Variants in STXBP6 observed in about 807,000 individuals in gnomAD.
STXBP6 encodes the protein syntaxin binding protein 6, also known as syntaxin-binding protein 6.
In STXBP6, 21 loss-of-function variants were observed where a neutral mutation model predicts 26.9. The ratio of observed to expected loss-of-function variants is 0.78; its 90% confidence interval spans 0.55 to 1.12. The LOEUF (loss-of-function observed/expected upper bound fraction) is 1.12, where lower values mean the gene tolerates loss of function less well. Ranked by LOEUF, STXBP6 falls within the 50% of genes most tolerant of loss-of-function variation. The probability of loss-of-function intolerance (pLI) is 0.00; values close to 1 mark genes in which losing one functional copy is unlikely to be tolerated. For synonymous variants in STXBP6, 97 were observed against 92.6 expected (o/e 1.05, Z -0.27); for missense variants, 232 against 257.9 (o/e 0.90, Z 0.69).
chr14:24,960,104 T>C (rs1204317150), intron 2 of STXBP6, among the ~76,000 whole-genome samples: 1 of 152,220 alleles, frequency 6.6e-6, no homozygotes, highest in Non-Finnish European at 1.5e-5. Flanking sequence ...GCTTCTTGCA[T>C]ATGTTAGGAC....
At position 24,911,563 on chromosome 14, in the gene STXBP6, G is replaced by A. The variant is rs2071576609; in HGVS notation, c.155-54406C>T. Among the ~76,000 whole-genome samples the A allele has an allele frequency of 3.3e-5, 5 of 152,286 alleles. No individual in the cohort carries two copies. In the South Asian group the frequency reaches 8.3e-4, roughly 25 times the overall value. On this transcript the variant is annotated intron_variant, in intron 2 of 5. Coordinates refer to ENST00000323944, the MANE Select transcript of STXBP6 (RefSeq NM_001394410.1). ...CTATAGATACCAGCTTCTCAAAGTT[G>A]GAAAGCACCTTGGCAGTCATCCAGA...
At chr14:24,836,529 G>A (rs2068620005) in intron 4 of STXBP6, among the ~76,000 whole-genome samples, 1 of 142,164 alleles carries the variant, frequency 7.0e-6, no homozygotes, top group African/African-American at 2.7e-5. Context: ...AACCCAGGGG[G>A]CAGAGGTTTC....
rs2067778103 is a variant in STXBP6 at position 24,810,079 on chromosome 14, A to G, written c.*2630T>C. 1 of 152,242 alleles carries G rather than the reference A, an allele frequency of 6.6e-6. No individual in the cohort carries two copies. The highest frequency in any genetic ancestry group is 1.5e-5 in the Non-Finnish European group (1 of 68,040). 9.4% of individuals were successfully genotyped at this position (152,242 alleles called of 1,614,324 possible). On this transcript the variant is annotated 3_prime_UTR_variant, in exon 6 of 6. Transcript: ENST00000323944. ...GCATACTTTCTGTACACAGGTATCT[A>G]ATAATACTAGTGAGAAATACTACAG...
At chr14:24,958,540 A>G (rs2073417098) in intron 2 of STXBP6, among the ~76,000 whole-genome samples, 1 of 152,238 alleles carries the variant, frequency 6.6e-6, no homozygotes, top group African/African-American at 2.4e-5. Flanking sequence ...AAATATTGGC[A>G]ACAAGATTCC....
chr14:25,042,602 T>TTTC (rs2075661352), intron 1 of STXBP6, among the ~76,000 whole-genome samples: 2 of 152,214 alleles, frequency 1.3e-5, no homozygotes, highest in Non-Finnish European at 2.9e-5. Context: ...ACGTTAATGG[T>TTTC]AGAGCTATGT....
chr14:25,032,769 C>G (rs2075482549), intron 1 of STXBP6, among the ~76,000 whole-genome samples: 1 of 152,188 alleles, frequency 6.6e-6, no homozygotes, highest in Admixed American at 6.5e-5. Flanking sequence ...GTTAGTGTTA[C>G]TAGGCTCATC....
chr14:25,000,545 G>A (rs933505723), intron 1 of STXBP6, among the ~76,000 whole-genome samples: 2 of 151,534 alleles, frequency 1.3e-5, no homozygotes, highest in Middle Eastern at 3.4e-3. Context: ...GCTAGCCATA[G>A]AAACTGAAAT....
At chr14:24,870,850 T>C (rs2069903856) in intron 2 of STXBP6, among the ~76,000 whole-genome samples, 1 of 152,118 alleles carries the variant, frequency 6.6e-6, no homozygotes, top group Non-Finnish European at 1.5e-5. Flanking sequence ...AGTAGAATGG[T>C]TTAAAAATGC....
At chr14:24,932,193 G>A (rs2072439233) in intron 2 of STXBP6, among the ~76,000 whole-genome samples, 1 of 152,188 alleles carries the variant, frequency 6.6e-6, no homozygotes, top group Non-Finnish European at 1.5e-5. Flanking sequence ...CAGATCACGA[G>A]GTCAGGAATT....
chr14:24,909,561 G>T (rs1190733103), intron 2 of STXBP6, among the ~76,000 whole-genome samples: 1 of 151,924 alleles, frequency 6.6e-6, no homozygotes, highest in African/African-American at 2.4e-5. Flanking sequence ...CAGGTGGATT[G>T]CTTGAGTCCA....
rs550901819 is a variant in STXBP6, at chr14:24,965,041, GA to G, written c.154+9623del. Among the ~76,000 whole-genome samples, 35 of 152,258 alleles carry G rather than the reference GA, an allele frequency of 2.3e-4. No homozygotes were observed. The East Asian group carries it at 6.2e-3, about 27-fold the overall frequency. On this transcript the variant is annotated intron_variant, in intron 2 of 5. Coordinates refer to ENST00000323944, the MANE Select transcript of STXBP6 (RefSeq NM_001394410.1). ...ATTAGAGTGGAAATTTTCCAACTCTGAAATAGAACAGCAGTGTGATGCCACC... is the reference window on the plus strand; with the variant it reads ...ATTAGAGTGGAAATTTTCCAACTCTGAATAGAACAGCAGTGTGATGCCACC...
At chr14:24,812,836 C>T in intron 5 of STXBP6, 104 bp from the exon 6 acceptor site, 1 of 1,111,766 alleles carries the variant, frequency 9.0e-7, no homozygotes, top group Non-Finnish European at 1.4e-6. Context: ...AGAAGCAGCA[C>T]CAAGATTCTA....
intron 4 of STXBP6, among the ~76,000 whole-genome samples, chr14:24,844,260 G>A (rs2068873129): frequency 6.6e-6 from 1 of 152,116 alleles, no homozygotes; most frequent in Admixed American, 6.5e-5. Context: ...TCTTCATCTG[G>A]CTGTTCATTT....
At chr14:24,855,842 T>C in intron 4 of STXBP6, 94 bp downstream of exon 4, 1 of 1,231,926 alleles carries the variant, frequency 8.1e-7, no homozygotes, top group Non-Finnish European at 1.1e-6. Flanking sequence ...TTCTCCTGTT[T>C]TTGTCTTTAA....
At chr14:24,892,228 T>G (rs2070816079) in intron 2 of STXBP6, among the ~76,000 whole-genome samples, 1 of 148,432 alleles carries the variant, frequency 6.7e-6, no homozygotes, top group Non-Finnish European at 1.5e-5. Context: ...AGGAAAGAGG[T>G]CAGTAGAGAG....
intron 2 of STXBP6, among the ~76,000 whole-genome samples, chr14:24,896,150 C>A (rs999109105): frequency 4.6e-5 from 7 of 152,054 alleles, no homozygotes; most frequent in African/African-American, 1.4e-4. Context: ...CAGATGAATT[C>A]TTCGGCTTTC....
intron 2 of STXBP6, among the ~76,000 whole-genome samples, chr14:24,889,421 G>T (rs533151639): frequency 1.8e-5 from 2 of 112,394 alleles, no homozygotes; most frequent in Admixed American, 1.1e-4. Context: ...GTTGTGGGGT[G>T]GGGGGAGGGG....
At chr14:25,032,270 G>C (rs1355204671) in intron 1 of STXBP6, among the ~76,000 whole-genome samples, 2 of 152,142 alleles carry the variant, frequency 1.3e-5, no homozygotes, top group African/African-American at 2.4e-5. Flanking sequence ...CTGGTTTTAA[G>C]GTTGGTGGTG....
At chr14:24,993,369 T>A (rs1424492867) in intron 1 of STXBP6, among the ~76,000 whole-genome samples, 2 of 152,142 alleles carry the variant, frequency 1.3e-5, no homozygotes, top group African/African-American at 4.8e-5. Flanking sequence ...CTGATCCCCA[T>A]CCCTCACAGG....
Sources: gnomAD v4.1 joint callset for allele counts (sites outside exome capture counted in the v4.1 genomes callset) on GRCh38, gnomAD v4.1.1 for gene constraint, MANE v1.5 for transcripts, NCBI Gene and HGNC (gene_info 2026-07-23, HGNC 2026-07-21) for gene names.